CCDC171: variants seen among roughly 807,000 people sequenced by gnomAD.
CCDC171 encodes the protein coiled-coil domain-containing protein 171.
A neutral mutation model predicts 168.2 loss-of-function variants in CCDC171; 177 were observed. That is an observed-to-expected ratio of 1.05 (90% CI 0.93 to 1.19). The LOEUF is 1.19. Among genes scored for constraint, CCDC171 ranks in the 50% most tolerant of loss-of-function variants. The pLI is 0.00. For missense variants in CCDC171, 1,991 were observed against 1,539.0 expected, an observed-to-expected ratio of 1.29 and a Z score of -4.91; for synonymous variants, 687 against 540.8, an observed-to-expected ratio of 1.27 and a Z score of -3.75.
intron 4 of CCDC171, among the ~76,000 whole-genome samples, chr9:16,021,947 C>T (rs113152116): frequency 0.018 from 2,777 of 152,258 alleles, 83 homozygotes; most frequent in African/African-American, 0.062. Context: ...ACCACTGTAA[C>T]GCAGGGGTTG....
At chr9:15,841,692 C>A (rs1211248041) in intron 21 of CCDC171, among the ~76,000 whole-genome samples, 3 of 151,754 alleles carry the variant, frequency 2.0e-5, no homozygotes, top group Non-Finnish European at 4.4e-5. Flanking sequence ...GTACTATATA[C>A]CAACATCTTT....
At chr9:15,656,012 T>C (rs7034172) in intron 7 of CCDC171, among the ~76,000 whole-genome samples, 2 of 152,062 alleles carry the variant, frequency 1.3e-5, no homozygotes, top group Non-Finnish European at 2.9e-5. Flanking sequence ...TGGAAAACAG[T>C]GTGGCAGTTT....
chr9:15,594,723 A>T (rs532976868), intron 6 of CCDC171, among the ~76,000 whole-genome samples: 1 of 152,154 alleles, frequency 6.6e-6, no homozygotes, highest in Non-Finnish European at 1.5e-5. Context: ...CTGAATGATT[A>T]ATCTGGGAAA....
At chr9:15,959,254 C>G (rs1163411499) in intron 25 of CCDC171, among the ~76,000 whole-genome samples, 2 of 152,130 alleles carry the variant, frequency 1.3e-5, no homozygotes, top group African/African-American at 4.8e-5. Flanking sequence ...TACGATGTGG[C>G]CTTTCCATCC....
chr9:15,971,377 T>C (rs1004390409), intron 25 of CCDC171, among the ~76,000 whole-genome samples: 32 of 152,332 alleles, frequency 2.1e-4, no homozygotes, highest in African/African-American at 7.7e-4. Context: ...ATTTAGTGTT[T>C]AGACAAATTC....
chr9:15,580,132 T>C (rs763956457), intron 4 of CCDC171, among the ~76,000 whole-genome samples: 1 of 152,182 alleles, frequency 6.6e-6, no homozygotes, highest in Admixed American at 6.5e-5. Flanking sequence ...GGACACCCTA[T>C]TCACCAGTAG....
At chr9:15,599,856 C>CT (rs1327274417) in intron 6 of CCDC171, among the ~76,000 whole-genome samples, 1 of 152,124 alleles carries the variant, frequency 6.6e-6, no homozygotes, top group Non-Finnish European at 1.5e-5. Context: ...TCTTTTTACT[C>CT]TTTTTTCTCT....
chr9:15,861,845 C>G (rs2061573240), intron 23 of CCDC171, among the ~76,000 whole-genome samples: 1 of 151,922 alleles, frequency 6.6e-6, no homozygotes, highest in East Asian at 1.9e-4. Flanking sequence ...TCTATACTTT[C>G]TTATGGTATC....
chr9:16,067,042 C>G, the CCDC171 span, among the ~76,000 whole-genome samples: 1 of 152,098 alleles, frequency 6.6e-6, no homozygotes, highest in Non-Finnish European at 1.5e-5. Context: ...GCCACACTGA[C>G]TTCCACAGTG....
intron 2 of CCDC171, among the ~76,000 whole-genome samples, chr9:15,567,202 A>C (rs7044122): frequency 0.42 from 63,436 of 151,790 alleles, 14,923 homozygotes; most frequent in East Asian, 0.84. Flanking sequence ...TTGTATTTTT[A>C]GTAGAGACGG....
intron 3 of CCDC171, among the ~76,000 whole-genome samples, chr9:16,018,389 G>C (rs1833083585): frequency 6.6e-6 from 1 of 152,108 alleles, no homozygotes; most frequent in South Asian, 2.1e-4. Flanking sequence ...AAGTTTATTT[G>C]TATATATGTC....
rs150859104 is a variant in CCDC171, at chr9:15,966,988, A to T, written c.3754-4621A>T. On this transcript the variant is annotated intron_variant, in intron 25 of 25. Coordinates refer to ENST00000380701, the MANE Select transcript of CCDC171 (RefSeq NM_173550.4). ...ATTTATAAGGTGAATGTATGTTTTTATGTGTATATATATCTCAGATATAAA... is the reference window on the plus strand; with the variant it reads ...ATTTATAAGGTGAATGTATGTTTTTTTGTGTATATATATCTCAGATATAAA... 5.9e-3 allele frequency among the ~76,000 whole-genome samples: 904 copies of T among 152,184 alleles called. 13 individuals are homozygous for T. Among genetic ancestry groups the T allele is most frequent in the African/African-American group, 0.02 (828 of 41,520 alleles).
chr9:15,886,281 C>T (rs1177097210), intron 24 of CCDC171: 1 of 152,044 alleles, frequency 6.6e-6, no homozygotes, highest in Admixed American at 6.5e-5. Flanking sequence ...TCATACAACA[C>T]AATAACTTTT....
chr9:15,650,179 C>T (rs1429583152), intron 7 of CCDC171, among the ~76,000 whole-genome samples: 3 of 152,120 alleles, frequency 2.0e-5, no homozygotes, highest in African/African-American at 2.4e-5. Flanking sequence ...TGTTCTCACT[C>T]ATAGGTGGGA....
chr9:15,810,656 C>T (rs1163234340), intron 21 of CCDC171, among the ~76,000 whole-genome samples: 1 of 152,222 alleles, frequency 6.6e-6, no homozygotes, highest in African/African-American at 2.4e-5. Context: ...GTGCTAAGCC[C>T]CTCCCTGCCT....
chr9:15,766,394 C>G (rs891010609), intron 18 of CCDC171, among the ~76,000 whole-genome samples: 1 of 151,734 alleles, frequency 6.6e-6, no homozygotes, highest in African/African-American at 2.4e-5. Flanking sequence ...TAGATGTATA[C>G]CACCATGCTT....
At chr9:15,975,190 A>G (rs939133164), downstream of CCDC171, among the ~76,000 whole-genome samples, 1 of 152,214 alleles carries the variant, frequency 6.6e-6, no homozygotes, top group Non-Finnish European at 1.5e-5. Context: ...AACCTCTAGC[A>G]TAGGAGTTTC....
At chr9:16,007,332 G>A (rs1464071379) in intron 3 of CCDC171, among the ~76,000 whole-genome samples, 3 of 151,826 alleles carry the variant, frequency 2.0e-5, no homozygotes, top group Admixed American at 6.6e-5. Flanking sequence ...CTGGATATTA[G>A]CCCTTTGTCA....
chr9:15,879,578 G>C (rs555399091), intron 24 of CCDC171, among the ~76,000 whole-genome samples: 1 of 151,836 alleles, frequency 6.6e-6, no homozygotes, highest in African/African-American at 2.4e-5. Flanking sequence ...AACTTCTCTT[G>C]GGCCATACTA....
Sources: allele counts gnomAD v4.1 joint callset (sites outside exome capture counted in the v4.1 genomes callset), GRCh38; gene constraint gnomAD v4.1.1; transcripts MANE v1.5; gene names NCBI Gene and HGNC (gene_info 2026-07-23, HGNC 2026-07-21).